GDAP1: variants seen among roughly 807,000 people sequenced by gnomAD.
The protein encoded by GDAP1 is ganglioside-induced differentiation-associated protein 1.
Under a neutral mutation model 40.1 loss-of-function variants are expected in GDAP1, and 34 were observed. The observed-to-expected ratio is 0.85, with a 90% CI of 0.64 to 1.13. The LOEUF (loss-of-function observed/expected upper bound fraction) is 1.13. Among genes scored for constraint, GDAP1 ranks in the 50% most tolerant of loss-of-function variants. The probability of loss-of-function intolerance (pLI) is 0.00; values close to 1 mark genes in which losing one functional copy is unlikely to be tolerated. For missense variants in GDAP1, 374 were observed against 433.7 expected (o/e 0.86, Z 1.22); for synonymous variants, 170 against 157.4 (o/e 1.08, Z -0.60).
intron 2 of GDAP1, among the ~76,000 whole-genome samples, chr8:74,434,682 G>A (rs964970367): frequency 8.5e-5 from 13 of 152,236 alleles, no homozygotes; most frequent in African/African-American, 1.4e-4. Flanking sequence ...TCCTTCAGCC[G>A]TCCCAAGAGT....
At chr8:74,422,337 C>CTTTCTT (rs1805879978) in intron 2 of GDAP1, among the ~76,000 whole-genome samples, 1 of 55,964 alleles carries the variant, frequency 1.8e-5, no homozygotes. Context: ...TTCTTTCTTT[C>CTTTCTT]TTTCTTTCTT....
At chr8:74,432,410 T>C (rs1402973225) in intron 2 of GDAP1, among the ~76,000 whole-genome samples, 2 of 152,206 alleles carry the variant, frequency 1.3e-5, no homozygotes, top group African/African-American at 4.8e-5. Flanking sequence ...AAAGCACATT[T>C]ATGCTTATAA....
At chr8:74,402,034 G>A (rs1398096778) in intron 2 of GDAP1, among the ~76,000 whole-genome samples, 2 of 150,162 alleles carry the variant, frequency 1.3e-5, no homozygotes, top group Admixed American at 6.6e-5. Context: ...CAGTCTGCCC[G>A]TTCTCAGATC....
intron 2 of GDAP1, among the ~76,000 whole-genome samples, chr8:74,411,117 T>G (rs1403282397): frequency 6.7e-6 from 1 of 150,090 alleles, no homozygotes; most frequent in Non-Finnish European, 1.5e-5. Context: ...AAGAAAGTAC[T>G]TGCTGCTTCT....
At chr8:74,351,514 C>A in intron 2 of GDAP1, 48 bp downstream of exon 2, 1 of 1,222,354 alleles carries the variant, frequency 8.2e-7, no homozygotes, top group Non-Finnish European at 1.2e-6. Context: ...TTCAACACAA[C>A]TATGTGTTCC....
intron 2 of GDAP1, among the ~76,000 whole-genome samples, chr8:74,469,563 G>C (rs528623141): frequency 6.6e-6 from 1 of 151,998 alleles, no homozygotes; most frequent in Non-Finnish European, 1.5e-5. Flanking sequence ...AGCTACTCGG[G>C]AGGCTGAGGC....
chr8:74,392,771 C>T (rs995962323), intron 2 of GDAP1, among the ~76,000 whole-genome samples: 9 of 152,126 alleles, frequency 5.9e-5, no homozygotes, highest in African/African-American at 2.2e-4. Flanking sequence ...CTCAGTTTTC[C>T]CCAAACACTT....
At chr8:74,358,096 C>T (rs1386029206) in intron 2 of GDAP1, among the ~76,000 whole-genome samples, 1 of 152,176 alleles carries the variant, frequency 6.6e-6, no homozygotes, top group Non-Finnish European at 1.5e-5. Flanking sequence ...GTGGGTATCT[C>T]ATGCTCTGAC....
At chr8:74,350,622 CAG>C (rs1808809855) in intron 1 of GDAP1, 44 bp downstream of exon 1, 1 of 1,191,140 alleles carries the variant, frequency 8.4e-7, no homozygotes, top group African/African-American at 1.5e-5. Context: ...GATCGGGCTT[CAG>C]CACTGGGACA....
At chr8:74,449,851 A>G (rs1806275563) in intron 2 of GDAP1, among the ~76,000 whole-genome samples, 1 of 151,796 alleles carries the variant, frequency 6.6e-6, no homozygotes, top group South Asian at 2.1e-4. Context: ...CTGGTTTGCC[A>G]AGAGTTTAAT....
chr8:74,398,613 C>A (rs1402798056), intron 2 of GDAP1, among the ~76,000 whole-genome samples: 3 of 152,210 alleles, frequency 2.0e-5, no homozygotes. Context: ...GAGAGGGCAT[C>A]CCTGTCTTGT....
At chr8:74,430,131 G>A (rs1038089914) in intron 2 of GDAP1, among the ~76,000 whole-genome samples, 9 of 152,126 alleles carry the variant, frequency 5.9e-5, no homozygotes, top group Admixed American at 1.3e-4. Context: ...TAAATACAAC[G>A]AATACCATTT....
At position 74,364,742 on chromosome 8, in the gene GDAP1, T is replaced by C. The variant is rs748093295; in HGVS notation, c.*375T>C. On this transcript the variant is annotated 3_prime_UTR_variant, in exon 6 of 6. Transcript: ENST00000220822. ...ACTGCCCACACATACACTTCTGTAA[T>C]TGAGAACTCTTAGGAGAGGACTAGG... is the stretch of plus-strand genomic sequence containing the variant. 11 of 461,546 alleles carry C rather than the reference T, an allele frequency of 2.4e-5. No homozygotes were observed. Among genetic ancestry groups the C allele is most frequent in the Admixed American group, 4.7e-5 (2 of 42,792 alleles). The allele number at this position is 461,546 out of a possible 1,614,324, so 28.6% of individuals were successfully genotyped here.
chr8:74,402,359 A>G (rs1166064596), intron 2 of GDAP1, among the ~76,000 whole-genome samples: 1 of 150,448 alleles, frequency 6.6e-6, no homozygotes, highest in Non-Finnish European at 1.5e-5. Flanking sequence ...CCTCCGAGCC[A>G]GTTGCGGGAT....
intron 2 of GDAP1, among the ~76,000 whole-genome samples, chr8:74,355,459 A>C (rs1257135116): frequency 6.6e-6 from 1 of 152,236 alleles, no homozygotes; most frequent in East Asian, 1.9e-4. Context: ...ACAGTTTTAT[A>C]GACTCTTTCA....
Position 74,364,175 on chromosome 8 carries a change from T to C in GDAP1, c.885T>C (p.His295=), listed in dbSNP as rs752758036. The C allele has an allele frequency of 5.0e-5, 81 of 1,614,026 alleles. No homozygotes were observed. The highest frequency in any genetic ancestry group is 1.0e-4 in the Admixed American group (6 of 60,010). ...KRKTFNKVLG[H]VNNILISAVL... ...AAACATTTAACAAGGTTTTAGGACATGTCAACAATATATTAATCTCTGCAG... is the reference window on the plus strand; with the variant it reads ...AAACATTTAACAAGGTTTTAGGACACGTCAACAATATATTAATCTCTGCAG... The change falls in exon 6 of 6, where the codon CAT becomes CAC. Residue 295 remains histidine, a synonymous_variant. Coordinates refer to ENST00000220822, the MANE Select transcript of GDAP1 (RefSeq NM_018972.4).
chr8:74,435,772 T>G (rs1378948552), intron 2 of GDAP1, among the ~76,000 whole-genome samples: 3 of 152,334 alleles, frequency 2.0e-5, no homozygotes, highest in Non-Finnish European at 4.4e-5. Flanking sequence ...ATAAATCAAC[T>G]CTTTGATTTC....
intron 2 of GDAP1, among the ~76,000 whole-genome samples, chr8:74,463,098 T>TAAAAAAAAAAAAAAA: frequency 1.7e-3 from 1 of 574 alleles, no homozygotes; most frequent in African/African-American, 5.4e-3. Flanking sequence ...ATAACATTTC[T>TAAAAAAAAAAAAAAA]AAGATTGATC....
intron 2 of GDAP1, among the ~76,000 whole-genome samples, chr8:74,430,044 G>A (rs977794654): frequency 1.3e-5 from 2 of 152,004 alleles, no homozygotes; most frequent in African/African-American, 4.8e-5. Flanking sequence ...AACATAGTTC[G>A]GAGAAAAAGA....
Sources: allele counts gnomAD v4.1 joint callset (sites outside exome capture counted in the v4.1 genomes callset), GRCh38; gene constraint gnomAD v4.1.1; transcripts MANE v1.5; gene names NCBI Gene and HGNC (gene_info 2026-07-23, HGNC 2026-07-21).